SPOCK1: variants seen among roughly 807,000 people sequenced by gnomAD.
SPOCK1 encodes the protein testican-1.
A neutral mutation model predicts 55.3 loss-of-function variants in SPOCK1; 23 were observed. The ratio of observed to expected loss-of-function variants is 0.42; its 90% CI spans 0.30 to 0.59. The LOEUF is 0.59. Among genes scored for constraint, SPOCK1 ranks in the 20% least tolerant of loss-of-function variants. The pLI is 0.22. For synonymous variants in SPOCK1, 226 were observed against 221.0 expected, an observed-to-expected ratio of 1.02 and a Z score of -0.20; for missense variants, 499 against 552.5, an observed-to-expected ratio of 0.90 and a Z score of 0.97.
intron 3 of SPOCK1, among the ~76,000 whole-genome samples, chr5:137,168,655 A>G (rs1170386263): frequency 6.6e-6 from 1 of 152,176 alleles, no homozygotes; most frequent in Admixed American, 6.5e-5. Context: ...CTACAATGAG[A>G]TACCACCTCA....
intron 2 of SPOCK1, among the ~76,000 whole-genome samples, chr5:137,332,140 T>C (rs559712687): frequency 1.3e-4 from 20 of 151,924 alleles, no homozygotes; most frequent in South Asian, 4.2e-4. Flanking sequence ...AGCTCTCCAC[T>C]CCAACCTCCC....
chr5:137,350,861 G>A (rs1476253202), intron 2 of SPOCK1, among the ~76,000 whole-genome samples: 1 of 151,994 alleles, frequency 6.6e-6, no homozygotes, highest in Non-Finnish European at 1.5e-5. Flanking sequence ...ATCAAAGTGG[G>A]CATGGAAGTA....
chr5:137,171,542 G>A (rs1044744085), intron 3 of SPOCK1, among the ~76,000 whole-genome samples: 2 of 152,122 alleles, frequency 1.3e-5, no homozygotes, highest in Non-Finnish European at 2.9e-5. Context: ...CTGGATCAAG[G>A]AAATTCCACC....
At chr5:137,459,600 G>A (rs888299165) in intron 2 of SPOCK1, among the ~76,000 whole-genome samples, 1 of 152,042 alleles carries the variant, frequency 6.6e-6, no homozygotes, top group African/African-American at 2.4e-5. Context: ...ATTTCATGGG[G>A]AATATACTCC....
intron 2 of SPOCK1, among the ~76,000 whole-genome samples, chr5:137,337,267 A>G (rs1262969191): frequency 6.6e-6 from 1 of 152,374 alleles, no homozygotes; most frequent in South Asian, 2.1e-4. Context: ...GCAGAGCTAT[A>G]GGATGGGACT....
chr5:137,228,223 G>A (rs929171822), intron 3 of SPOCK1, among the ~76,000 whole-genome samples: 3 of 152,220 alleles, frequency 2.0e-5, no homozygotes, highest in African/African-American at 7.2e-5. Flanking sequence ...ATTGTACACA[G>A]TTTGTAAAGA....
chr5:136,999,154 T>A (rs1432771535), intron 6 of SPOCK1, among the ~76,000 whole-genome samples: 4 of 152,092 alleles, frequency 2.6e-5, no homozygotes, highest in Non-Finnish European at 4.4e-5. Context: ...GGAACGCAGC[T>A]GATGGGAGGG....
At chr5:137,097,770 C>T (rs1753181481) in intron 5 of SPOCK1, among the ~76,000 whole-genome samples, 1 of 152,146 alleles carries the variant, frequency 6.6e-6, no homozygotes, top group Non-Finnish European at 1.5e-5. Context: ...AAAACGGACC[C>T]AAATACCACT....
chr5:137,065,050 A>G (rs1384619050), intron 6 of SPOCK1, among the ~76,000 whole-genome samples: 2 of 152,032 alleles, frequency 1.3e-5, no homozygotes, highest in Non-Finnish European at 2.9e-5. Flanking sequence ...CAACATGGCG[A>G]AACCTTGTCT....
Position 136,976,236 on chromosome 5 carries a change from C to T in SPOCK1, c.*2418G>A, listed in dbSNP as rs1750613428. On this transcript the variant is annotated 3_prime_UTR_variant, in exon 11 of 11. Transcript: ENST00000394945. ...AAAAGTATTATTAATGTGGCTCCAT[C>T]GATTTGGGGGTTCCAATCTGAGGAG... is the stretch of plus-strand genomic sequence containing the variant. 6.6e-6 allele frequency: 1 copy of T among 152,180 alleles called. No homozygotes were observed. Among genetic ancestry groups the T allele is most frequent in the Non-Finnish European group, 1.5e-5 (1 of 68,020 alleles). The allele number at this position is 152,180 out of a possible 1,614,324, so 9.4% of individuals were successfully genotyped here. A position where few individuals can be genotyped will look rare whatever the true frequency, so the allele number is the denominator to read the frequency against.
chr5:137,383,949 A>T (rs1269722029), intron 2 of SPOCK1, among the ~76,000 whole-genome samples: 1 of 152,216 alleles, frequency 6.6e-6, no homozygotes, highest in Non-Finnish European at 1.5e-5. Flanking sequence ...CACAAAAGGC[A>T]CACACTGTTT....
chr5:137,275,893 C>T (rs1413955978), intron 2 of SPOCK1, among the ~76,000 whole-genome samples: 3 of 152,186 alleles, frequency 2.0e-5, no homozygotes, highest in Non-Finnish European at 4.4e-5. Flanking sequence ...TCTTTCACAA[C>T]TCCCCTCTCC....
At chr5:137,387,069 T>C (rs1675138444) in intron 2 of SPOCK1, among the ~76,000 whole-genome samples, 2 of 152,210 alleles carry the variant, frequency 1.3e-5, no homozygotes. Flanking sequence ...CTTCACATCA[T>C]GTCATTAAAT....
chr5:137,265,066 A>G (rs1376841473), intron 3 of SPOCK1, among the ~76,000 whole-genome samples: 6 of 152,292 alleles, frequency 3.9e-5, no homozygotes, highest in Middle Eastern at 3.4e-3. Flanking sequence ...TCTGCTGAAT[A>G]TAGCTGCCAT....
At chr5:137,010,080 G>A (rs1751323045) in intron 6 of SPOCK1, among the ~76,000 whole-genome samples, 1 of 152,018 alleles carries the variant, frequency 6.6e-6, no homozygotes, top group African/African-American at 2.4e-5. Flanking sequence ...TGTCCCCAGG[G>A]CCCTATTCAT....
intron 3 of SPOCK1, among the ~76,000 whole-genome samples, chr5:137,257,092 A>G (rs1462121489): frequency 6.6e-6 from 1 of 152,160 alleles, no homozygotes; most frequent in African/African-American, 2.4e-5. Context: ...CACCACTCCC[A>G]GTGTTACTGC....
intron 6 of SPOCK1, among the ~76,000 whole-genome samples, chr5:137,056,276 A>AG (rs1580728334): frequency 6.6e-6 from 1 of 152,042 alleles, no homozygotes; most frequent in Non-Finnish European, 1.5e-5. Flanking sequence ...GGTGGGGGAC[A>AG]GGGGGTCTAT....
intron 5 of SPOCK1, among the ~76,000 whole-genome samples, chr5:137,076,478 C>T (rs566210048): frequency 6.6e-6 from 1 of 152,148 alleles, no homozygotes; most frequent in South Asian, 2.1e-4. Context: ...ATAGCTTAGC[C>T]TAGCCTACCT....
chr5:137,017,508 A>T (rs779628736), intron 6 of SPOCK1, among the ~76,000 whole-genome samples: 1 of 152,232 alleles, frequency 6.6e-6, no homozygotes, highest in Non-Finnish European at 1.5e-5. Flanking sequence ...CTAATAATTA[A>T]AAACTATAAT....
Sources: allele counts gnomAD v4.1 joint callset (sites outside exome capture counted in the v4.1 genomes callset), GRCh38; gene constraint gnomAD v4.1.1; transcripts MANE v1.5; gene names NCBI Gene and HGNC (gene_info 2026-07-23, HGNC 2026-07-21).